STX8: variants seen among roughly 807,000 people sequenced by gnomAD.
STX8 encodes the protein syntaxin-8.
In STX8, 23 loss-of-function variants were observed where a neutral mutation model predicts 37.5. The ratio of observed to expected loss-of-function variants is 0.61; its 90% CI spans 0.44 to 0.87. The LOEUF is 0.87. Among genes scored for constraint, STX8 ranks in the 40% least tolerant of loss-of-function variants. The probability of loss-of-function intolerance (pLI) is 0.00; values close to 1 mark genes in which losing one functional copy is unlikely to be tolerated. For missense variants in STX8, 313 were observed against 284.7 expected (o/e 1.10, Z -0.71); for synonymous variants, 115 against 99.1 (o/e 1.16, Z -0.95).
At chr17:9,566,585 G>A (rs145100776) in intron 2 of STX8, among the ~76,000 whole-genome samples, 16 of 152,214 alleles carry the variant, frequency 1.1e-4, no homozygotes, top group African/African-American at 3.6e-4. Flanking sequence ...TCAGGTGTTC[G>A]AGACAAGCCT....
chr17:9,439,774 G>C (rs747830462), intron 6 of STX8, among the ~76,000 whole-genome samples: 1 of 152,078 alleles, frequency 6.6e-6, no homozygotes, highest in African/African-American at 2.4e-5. Context: ...GATTACAGGC[G>C]TGAGTGAGCC....
In STX8 at chr17:9,331,890, A is replaced by G. The variant is rs562645354; in HGVS notation, c.643+46662T>C. 5.9e-5 allele frequency among the ~76,000 whole-genome samples: 9 copies of G among 152,350 alleles called. No homozygotes were observed. In the East Asian group the frequency reaches 1.7e-3, roughly 29 times the overall value. ...AACAAAGTGTATGGAAAGGAAAAAAAAAATTAAAAGGGAAAAAAGTGCAGA... is the reference window on the plus strand; with the variant it reads ...AACAAAGTGTATGGAAAGGAAAAAAGAAATTAAAAGGGAAAAAAGTGCAGA... On this transcript the variant is annotated intron_variant, in intron 7 of 7. Transcript: ENST00000306357.
At chr17:9,260,163 G>A (rs995992896) in intron 7 of STX8, among the ~76,000 whole-genome samples, 10 of 152,020 alleles carry the variant, frequency 6.6e-5, no homozygotes, top group African/African-American at 2.4e-4. Context: ...TCTACAAAGA[G>A]TATTTTTAAA....
rs180913302 is a variant in STX8, at chr17:9,317,068, G to T, written c.643+61484C>A. Reference sequence around the variant, plus strand: ...GTATGATATATTTGTGTAGATGAAAGGAATAAGGGACATTAGACTGGATTT... The same window carrying T: ...GTATGATATATTTGTGTAGATGAAATGAATAAGGGACATTAGACTGGATTT... On this transcript the variant is annotated intron_variant, in intron 7 of 7. Coordinates refer to ENST00000306357, the MANE Select transcript of STX8 (RefSeq NM_004853.3). Among the ~76,000 whole-genome samples, 91 of 152,138 alleles carry T rather than the reference G, an allele frequency of 6.0e-4. 1 individual carries two copies. The highest frequency in any genetic ancestry group is 2.0e-3 in the African/African-American group (83 of 41,510).
chr17:9,532,038 A>G (rs936843882), intron 4 of STX8, among the ~76,000 whole-genome samples: 1 of 152,136 alleles, frequency 6.6e-6, no homozygotes, highest in African/African-American at 2.4e-5. Flanking sequence ...CCATTTGTTC[A>G]GATCTCAAGG....
At chr17:9,542,554 G>A (rs956663532) in intron 4 of STX8, among the ~76,000 whole-genome samples, 1 of 151,696 alleles carries the variant, frequency 6.6e-6, no homozygotes, top group African/African-American at 2.4e-5. Context: ...GCGGGCGCCT[G>A]TAGTCCCAGC....
intron 7 of STX8, among the ~76,000 whole-genome samples, chr17:9,267,492 C>A (rs545332895): frequency 6.6e-6 from 1 of 152,316 alleles, no homozygotes; most frequent in Non-Finnish European, 1.5e-5. Flanking sequence ...TTGTGTGACA[C>A]CACAGCACGA....
At chr17:9,456,025 A>C (rs9904911) in intron 6 of STX8, among the ~76,000 whole-genome samples, 28,263 of 151,904 alleles carry the variant, frequency 0.19, 3,536 homozygotes, top group East Asian at 0.65. Flanking sequence ...TCCCTCCCTA[A>C]CCTGACGATC....
chr17:9,544,412 A>C (rs1042546456), intron 4 of STX8, among the ~76,000 whole-genome samples: 2 of 152,094 alleles, frequency 1.3e-5, no homozygotes, highest in Non-Finnish European at 2.9e-5. Context: ...TGAATCACTC[A>C]CTGGCGAAGA....
chr17:9,341,560 C>A (rs1258923557), intron 7 of STX8, among the ~76,000 whole-genome samples: 1 of 152,150 alleles, frequency 6.6e-6, no homozygotes, highest in Non-Finnish European at 1.5e-5. Context: ...CCTCAGCCTC[C>A]CGAGTAGCTG....
In STX8 at chr17:9,350,681, C is replaced by T. The variant is rs773019256; in HGVS notation, c.643+27871G>A. 3.9e-4 allele frequency among the ~76,000 whole-genome samples: 59 copies of T among 152,086 alleles called. 1 individual carries two copies. The highest frequency in any genetic ancestry group is 6.8e-3 in the Middle Eastern group (2 of 294). On this transcript the variant is annotated intron_variant, in intron 7 of 7. Transcript: ENST00000306357. ...CTGAGTACCTGGGATTACAGGTGCC[C>T]GCCACCACACCTGGCTAATTTTTGT...
intron 6 of STX8, among the ~76,000 whole-genome samples, chr17:9,447,557 G>A (rs575059288): frequency 6.6e-6 from 1 of 152,174 alleles, no homozygotes; most frequent in Admixed American, 6.5e-5. Flanking sequence ...CCAGTAGCTG[G>A]GATTACAGGC....
chr17:9,559,286 C>T (rs1907112051), intron 2 of STX8, among the ~76,000 whole-genome samples: 1 of 152,038 alleles, frequency 6.6e-6, no homozygotes, highest in South Asian at 2.1e-4. Context: ...CAGAGATAAC[C>T]ACATGTCAAT....
chr17:9,449,547 C>T (rs1211187120), intron 6 of STX8, among the ~76,000 whole-genome samples: 6 of 151,842 alleles, frequency 4.0e-5, no homozygotes, highest in South Asian at 4.1e-4. Flanking sequence ...GGCGACAGAG[C>T]GAGACTCCGT....
intron 5 of STX8, among the ~76,000 whole-genome samples, chr17:9,499,915 C>T (rs1316530965): frequency 1.3e-5 from 2 of 152,188 alleles, no homozygotes; most frequent in African/African-American, 4.8e-5. Context: ...AAAATAGCAC[C>T]TTCTCCGGGA....
chr17:9,500,358 G>A (rs1055151927), intron 5 of STX8, among the ~76,000 whole-genome samples: 1 of 152,172 alleles, frequency 6.6e-6, no homozygotes, highest in East Asian at 1.9e-4. Context: ...TGAGAGACGG[G>A]AAACAAATGA....
At chr17:9,330,943 G>C (rs1275455317) in intron 7 of STX8, among the ~76,000 whole-genome samples, 1 of 152,210 alleles carries the variant, frequency 6.6e-6, no homozygotes, top group African/African-American at 2.4e-5. Flanking sequence ...CGAATAACTA[G>C]CTAGCAATTT....
intron 3 of STX8, chr17:9,553,063 C>T (rs574402757): frequency 7.9e-5 from 12 of 152,316 alleles, no homozygotes; most frequent in African/African-American, 2.9e-4. Flanking sequence ...GGTGCTGCCT[C>T]CTGTGAAATG....
At chr17:9,339,505 T>G (rs904091834) in intron 7 of STX8, among the ~76,000 whole-genome samples, 13 of 151,940 alleles carry the variant, frequency 8.6e-5, no homozygotes, top group African/African-American at 3.1e-4. Context: ...ATACAAAAAA[T>G]TAGCCAGGCG....
Sources: gnomAD v4.1 joint callset for allele counts (sites outside exome capture counted in the v4.1 genomes callset) on GRCh38, gnomAD v4.1.1 for gene constraint, MANE v1.5 for transcripts, NCBI Gene and HGNC (gene_info 2026-07-23, HGNC 2026-07-21) for gene names.